The following POPDC2 variants were observed in gnomAD, a reference collection of about 807,000 sequenced individuals.
The protein encoded by POPDC2 is popeye domain-containing protein 2.
Under a neutral mutation model 30.5 loss-of-function variants are expected in POPDC2, and 24 were observed. That is an observed-to-expected ratio of 0.79 (90% confidence interval 0.57 to 1.11). The LOEUF (loss-of-function observed/expected upper bound fraction) is 1.11, where lower values mean the gene tolerates loss of function less well. POPDC2 is among the 50% of genes least tolerant of loss of function. The pLI, the probability that POPDC2 is intolerant of heterozygous loss-of-function variation, is 0.00. For missense variants in POPDC2, 409 were observed against 447.0 expected (o/e 0.91, Z 0.77); for synonymous variants, 185 against 183.3 (o/e 1.01, Z -0.07).
chr3:119,646,340 C>T lies in POPDC2; in HGVS notation c.*43+1779G>A, dbSNP rs78923273. On this transcript the variant is annotated intron_variant, in intron 3 of 3. Transcript: ENST00000493094. Reference sequence around the variant, plus strand: ...GACATAGAAAATGGACACTTAAGAGCAGCAAACTGGCCAGGCATGGTGGCT... The same window carrying T: ...GACATAGAAAATGGACACTTAAGAGTAGCAAACTGGCCAGGCATGGTGGCT... 4.2e-3 allele frequency among the ~76,000 whole-genome samples: 639 copies of T among 152,170 alleles called. 3 individuals are homozygous for T. Among genetic ancestry groups the T allele is most frequent in the African/African-American group, 0.014 (574 of 41,512 alleles).
rs1417604914 is a variant in POPDC2, at chr3:119,659,922, G to C, written c.491+11C>G. On this transcript the variant is annotated intron_variant, in intron 1 of 3. Coordinates refer to ENST00000493094, the MANE Select transcript of POPDC2 (RefSeq NM_001369919.2). ...GGAAAGAAATTCTGGGCAATGGATA[G>C]AGTAGCTTACCGGCCAGAGAGCAGC... 1 of 1,572,272 alleles carries C rather than the reference G, an allele frequency of 6.4e-7. No homozygotes were observed. The highest frequency in any genetic ancestry group is 8.7e-7 in the Non-Finnish European group (1 of 1,154,254).
intron 2 of POPDC2, 101 bp from the exon 3 acceptor site, chr3:119,648,769 A>C: frequency 9.4e-7 from 1 of 1,066,490 alleles, no homozygotes; most frequent in Middle Eastern, 2.4e-4. Flanking sequence ...CTGTACTTTT[A>C]CTGAAGAAGC....
chr3:119,648,219 C>T lies in POPDC2; in HGVS notation c.1050G>A (p.Glu350=). 6.3e-7 allele frequency: 1 copy of T among 1,594,672 alleles called. No individual in the cohort carries two copies. The highest frequency in any genetic ancestry group is 8.5e-7 in the Non-Finnish European group (1 of 1,169,922). The change falls in exon 3 of 4, where the codon GAG becomes GAA. Residue 350 remains glutamate (E), a synonymous_variant. Coordinates refer to ENST00000493094, the MANE Select transcript of POPDC2 (RefSeq NM_001369919.2). ...CCATAAACGATTCTGATCCTGACAC[C>T]TCCTCAAAATCCTCCAGCACCAGAC... ...STSLVLEDFE[E]VSGSESFMDY...
chr3:119,660,493 A>T lies in POPDC2; in HGVS notation c.-70T>A, dbSNP rs79256103. On this transcript the variant is annotated 5_prime_UTR_variant, in exon 1 of 4. Transcript: ENST00000493094. ...ACATAGGAAATTCAGAAAATGAATGAATCCATCCGCTCAGGGGTCTTCTCA... is the reference window on the plus strand; with the variant it reads ...ACATAGGAAATTCAGAAAATGAATGTATCCATCCGCTCAGGGGTCTTCTCA... 5,983 of 1,513,068 alleles carry T rather than the reference A, an allele frequency of 4.0e-3. 151 individuals carry two copies. The African/African-American group carries it at 0.06, about 15-fold the overall frequency. 93.7% of individuals were successfully genotyped at this position (1,513,068 alleles called of 1,614,324 possible). A position where few individuals can be genotyped will look rare whatever the true frequency, so the allele number is the denominator to read the frequency against.
chr3:119,654,467 A>G (rs1484633719), intron 2 of POPDC2, 38 bp downstream of exon 2: 4 of 1,356,672 alleles, frequency 2.9e-6, no homozygotes, highest in Non-Finnish European at 4.2e-6. Flanking sequence ...CTACAGTGGG[A>G]TGGGGTGAGG....
chr3:119,660,848 G>C (rs966074572), upstream of POPDC2: 1 of 159,612 alleles, frequency 6.3e-6, no homozygotes, highest in Non-Finnish European at 1.4e-5. Context: ...GGGATGATGC[G>C]GCCACATCCT....
At chr3:119,644,597 ACT>A (rs550988408) in intron 3 of POPDC2, among the ~76,000 whole-genome samples, 141 of 152,310 alleles carry the variant, frequency 9.3e-4, no homozygotes, top group Middle Eastern at 3.4e-3. Flanking sequence ...TCCAGAGGAA[ACT>A]CTGACTATTT....
Position 119,642,460 on chromosome 3 carries a change from G to A in POPDC2, c.*145C>T, listed in dbSNP as rs1320241091. 6.4e-7 allele frequency: 1 copy of A among 1,571,556 alleles called. No homozygotes were observed. The highest frequency in any genetic ancestry group is 2.2e-5 in the East Asian group (1 of 44,640). On this transcript the variant is annotated 3_prime_UTR_variant, in exon 4 of 4. Transcript: ENST00000493094. ...AGAGAGCTGCGCTGGCCACAGAGAAGATAGTCCAATGATCCTTAAAGTTCA... is the reference window on the plus strand; with the variant it reads ...AGAGAGCTGCGCTGGCCACAGAGAAAATAGTCCAATGATCCTTAAAGTTCA...
intron 1 of POPDC2, among the ~76,000 whole-genome samples, chr3:119,655,368 T>A (rs541216500): frequency 6.6e-6 from 1 of 152,324 alleles, no homozygotes; most frequent in Non-Finnish European, 1.5e-5. Context: ...TAAGTTTACA[T>A]TTACATTAAT....
Position 119,648,686 on chromosome 3 carries a change from C to A in POPDC2, c.601-18G>T. The A allele has an allele frequency of 6.3e-7, 1 of 1,591,744 alleles. No homozygotes were observed. The highest frequency in any genetic ancestry group is 8.6e-7 in the Non-Finnish European group (1 of 1,169,516). ...AGAGTGACCTGAGAGGGGTCAGAAG[C>A]AGACAATAAAAGTTTAAACTAGAAA... On this transcript the variant is annotated intron_variant, in intron 2 of 3. Transcript: ENST00000493094.
At chr3:119,654,419 T>C in intron 2 of POPDC2, 86 bp downstream of exon 2, 2 of 910,406 alleles carry the variant, frequency 2.2e-6, no homozygotes, top group Non-Finnish European at 1.8e-6. Context: ...GAAGGACAGA[T>C]GTAAGAGGGG....
At chr3:119,647,130 T>C (rs1227265942) in intron 3 of POPDC2, among the ~76,000 whole-genome samples, 3 of 152,326 alleles carry the variant, frequency 2.0e-5, no homozygotes, top group Non-Finnish European at 4.4e-5. Flanking sequence ...TTTTTCAAAA[T>C]AGACAAACAT....
In POPDC2 at chr3:119,659,914, AATGG is replaced by A; in HGVS notation, c.491+15_491+18del. ...TGGGCTGGGGAAAGAAATTCTGGGC[AATGG>A]ATAGAGTAGCTTACCGGCCAGAGAG... On this transcript the variant is annotated intron_variant, in intron 1 of 3. Transcript: ENST00000493094. 1 of 1,553,376 alleles carries A rather than the reference AATGG, an allele frequency of 6.4e-7. No homozygotes were observed. Among genetic ancestry groups the A allele is most frequent in the Non-Finnish European group, 8.7e-7 (1 of 1,145,462 alleles).
rs776394251 is a variant in POPDC2, at chr3:119,648,134, G to A, written c.*28C>T. ...GAGTACTTACATAGGATCCTGAGCC[G>A]GTGGCTGTGCCCATGTTAGTTCTCC... On this transcript the variant is annotated 3_prime_UTR_variant, in exon 3 of 4. Transcript: ENST00000493094. 1.2e-5 allele frequency: 17 copies of A among 1,475,874 alleles called. No individual in the cohort carries two copies. The highest frequency in any genetic ancestry group is 7.5e-5 in the East Asian group (3 of 40,168). The allele number at this position is 1,475,874 out of a possible 1,614,324, so 91.4% of individuals were successfully genotyped here.
intron 2 of POPDC2, among the ~76,000 whole-genome samples, chr3:119,654,275 G>A (rs1043582225): frequency 2.0e-5 from 3 of 152,182 alleles, no homozygotes; most frequent in Admixed American, 1.3e-4. Flanking sequence ...TTCCAGAAGA[G>A]TTTAAGCATA....
At chr3:119,648,081 T>A (rs892733176) in intron 3 of POPDC2, 38 bp downstream of exon 3, 69 of 1,410,956 alleles carry the variant, frequency 4.9e-5, no homozygotes, top group Non-Finnish European at 6.1e-5. Context: ...GGCCAGCCAT[T>A]GACAGGAATG....
At chr3:119,653,757 G>A (rs553305135) in intron 2 of POPDC2, among the ~76,000 whole-genome samples, 12 of 152,320 alleles carry the variant, frequency 7.9e-5, no homozygotes, top group Admixed American at 5.2e-4. Context: ...GATTACAGGC[G>A]TGAGCCACCG....
rs1307482741 is a variant in POPDC2, at chr3:119,642,706, G to A, written c.*44-145C>T. 5.2e-6 allele frequency: 3 copies of A among 581,694 alleles called. No individual in the cohort carries two copies. In the Admixed American group the frequency reaches 8.9e-5, roughly 17 times the overall value. 36.0% of individuals were successfully genotyped at this position (581,694 alleles called of 1,614,324 possible). ...TCACTGCCTGACATGATAGGGGCAG[G>A]TGTACCTTCGAATCATTTCATACTA... On this transcript the variant is annotated intron_variant, in intron 3 of 3. Transcript: ENST00000493094.
intron 1 of POPDC2, among the ~76,000 whole-genome samples, chr3:119,655,053 G>A (rs1204408696): frequency 6.6e-5 from 10 of 152,198 alleles, no homozygotes; most frequent in Non-Finnish European, 1.2e-4. Flanking sequence ...CTGGCCCGGC[G>A]CAGTGGCTCA....
Sources: gnomAD v4.1 joint callset for allele counts (sites outside exome capture counted in the v4.1 genomes callset) on GRCh38, gnomAD v4.1.1 for gene constraint, MANE v1.5 for transcripts, NCBI Gene and HGNC (gene_info 2026-07-23, HGNC 2026-07-21) for gene names.